The following SLAMF1 variants were observed in gnomAD, a reference collection of about 807,000 sequenced individuals.
SLAMF1 encodes signaling lymphocytic activation molecule.
SLAMF1 carries 18 observed loss-of-function variants against 35.1 expected under a neutral mutation model. The ratio of observed to expected loss-of-function variants is 0.51; its 90% CI spans 0.35 to 0.76. SLAMF1 has a LOEUF of 0.76. Among genes scored for constraint, SLAMF1 ranks in the 30% least tolerant of loss-of-function variants. The pLI is 0.01. For missense variants in SLAMF1, 392 were observed against 413.0 expected (o/e 0.95, Z 0.44); for synonymous variants, 168 against 157.2 (o/e 1.07, Z -0.51).
chr1:160,619,639 C>T (rs889550411), intron 5 of SLAMF1, 137 bp downstream of exon 5: 6 of 696,222 alleles, frequency 8.6e-6, no homozygotes, highest in Non-Finnish European at 1.6e-5. Flanking sequence ...TTTAGGAGAA[C>T]TCTTGTTCTT....
chr1:160,613,297 T>C (rs1176752740), intron 5 of SLAMF1, among the ~76,000 whole-genome samples: 1 of 152,262 alleles, frequency 6.6e-6, no homozygotes, highest in Non-Finnish European at 1.5e-5. Flanking sequence ...ATGCTATATT[T>C]AAAACATTCT....
chr1:160,617,860 G>A (rs967421198), intron 5 of SLAMF1, among the ~76,000 whole-genome samples: 2 of 152,122 alleles, frequency 1.3e-5, no homozygotes, highest in African/African-American at 4.8e-5. Flanking sequence ...ATCACTTGAG[G>A]TTAGTAGTTT....
intron 6 of SLAMF1, among the ~76,000 whole-genome samples, chr1:160,611,151 G>C (rs538643423): frequency 5.6e-4 from 85 of 152,342 alleles, no homozygotes; most frequent in Non-Finnish European, 9.8e-4. Context: ...GAAGCCAAGA[G>C]AGTTGTAAAT....
chr1:160,629,516 A>G (rs926269796), intron 3 of SLAMF1, among the ~76,000 whole-genome samples: 1 of 152,156 alleles, frequency 6.6e-6, no homozygotes, highest in South Asian at 2.1e-4. Flanking sequence ...CAAGAGATAC[A>G]TTCTTGTTCG....
rs149042392 is a variant in SLAMF1 at position 160,618,403 on chromosome 1, AGT to A, written c.864+1371_864+1372del. On this transcript the variant is annotated intron_variant, in intron 5 of 6. Transcript: ENST00000302035. The stretch of plus-strand genomic sequence containing the variant: ...GCATGAGTGTGTGTATGTGAGAGTG[AGT>A]GTGTGTGTGTGTGTGTGTAAAATGG... 1.7e-3 allele frequency among the ~76,000 whole-genome samples: 259 copies of A among 149,538 alleles called. 1 individual carries two copies. The highest frequency in any genetic ancestry group is 6.9e-3 in the Middle Eastern group (2 of 290).
Position 160,612,522 on chromosome 1 carries a change from A to G in SLAMF1, c.923T>C (p.Val308Ala). 5.6e-6 allele frequency: 9 copies of G among 1,612,464 alleles called. No individual in the cohort carries two copies. Among genetic ancestry groups the G allele is most frequent in the Non-Finnish European group, 7.6e-6 (9 of 1,178,954 alleles). ...CTCTGGGACAGGCTCTGTGGCAGCA[A>G]CATATATGGTGGTGCAAGGGTCCTG... is the stretch of plus-strand genomic sequence containing the variant. ...PAQDPCTTIY[V>A]AATEPVPESV... The change falls in exon 6 of 7, where the codon GTT (valine) becomes GCT (alanine). Residue 308 changes from valine to alanine, a missense_variant. Transcript: ENST00000302035.
intron 2 of SLAMF1, among the ~76,000 whole-genome samples, chr1:160,635,738 A>T (rs1571003388): frequency 6.9e-6 from 1 of 144,278 alleles, no homozygotes; most frequent in Non-Finnish European, 1.5e-5. Context: ...TGCTGAGCTA[A>T]TTTTTTTTTT....
intron 4 of SLAMF1, among the ~76,000 whole-genome samples, chr1:160,620,078 C>A (rs1659527616): frequency 1.3e-5 from 2 of 152,202 alleles, no homozygotes; most frequent in South Asian, 4.1e-4. Flanking sequence ...CCTCACGGGG[C>A]TGTTGTGATA....
At chr1:160,629,620 G>A (rs3753381) in intron 3 of SLAMF1, among the ~76,000 whole-genome samples, 46,646 of 151,928 alleles carry the variant, frequency 0.31, 7,471 homozygotes, top group Middle Eastern at 0.36. Context: ...ACATTTTTAC[G>A]GAGTTCACAG....
At chr1:160,626,452 G>A (rs1157532751) in intron 3 of SLAMF1, among the ~76,000 whole-genome samples, 1 of 152,216 alleles carries the variant, frequency 6.6e-6, no homozygotes, top group African/African-American at 2.4e-5. Flanking sequence ...CTAGATCTGA[G>A]AGACAAGTTG....
At chr1:160,621,558 C>CAAA (rs33981363) in intron 4 of SLAMF1, among the ~76,000 whole-genome samples, 9 of 73,284 alleles carry the variant, frequency 1.2e-4, no homozygotes, top group Non-Finnish European at 1.8e-4. Context: ...GAATCTATCT[C>CAAA]AAAAAAAAAA....
Position 160,642,290 on chromosome 1 carries a change from A to C in SLAMF1, c.76+4580T>G, listed in dbSNP as rs1660791154. ...TAGTATGTACGTTCCCTAGCCTTAG[A>C]GGCTATAACCACTCTTTATTTGCCT... is the stretch of plus-strand genomic sequence containing the variant. On this transcript the variant is annotated intron_variant, in intron 1 of 6. Transcript: ENST00000302035. The surrounding 1 kb of genome is among the most constrained non-coding windows in gnomAD (Gnocchi z 4.2). Among the ~76,000 whole-genome samples, 1 of 152,206 alleles carries C rather than the reference A, an allele frequency of 6.6e-6. No homozygotes were observed. Among genetic ancestry groups the C allele is most frequent in the South Asian group, 2.1e-4 (1 of 4,832 alleles).
chr1:160,610,390 G>A lies in SLAMF1; in HGVS notation c.*358C>T, dbSNP rs1255758354. 4.3e-6 allele frequency: 2 copies of A among 465,380 alleles called. No homozygotes were observed. The highest frequency in any genetic ancestry group is 8.6e-6 in the Non-Finnish European group (2 of 233,136). 28.8% of individuals were successfully genotyped at this position (465,380 alleles called of 1,614,324 possible). On this transcript the variant is annotated 3_prime_UTR_variant, in exon 7 of 7. Coordinates refer to ENST00000302035, the MANE Select transcript of SLAMF1 (RefSeq NM_003037.5). ...CAGTGTGTGAGATAGGTACTCAGAT[G>A]TCCTGGCTTTCAGTCTGATTTTTAT... is the stretch of plus-strand genomic sequence containing the variant.
intron 5 of SLAMF1, among the ~76,000 whole-genome samples, chr1:160,618,005 G>A (rs778956891): frequency 2.0e-5 from 3 of 152,066 alleles, no homozygotes; most frequent in Admixed American, 6.6e-5. Context: ...CCCAGGAGGC[G>A]GAGGTTGTAG....
At chr1:160,636,974 C>T (rs1660483738) in intron 2 of SLAMF1, 3 of 565,088 alleles carry the variant, frequency 5.3e-6, no homozygotes, top group Middle Eastern at 4.7e-4. Flanking sequence ...GTAAGAGTAA[C>T]TAATGCTTAA....
chr1:160,635,589 T>TG (rs1487717412), intron 2 of SLAMF1, among the ~76,000 whole-genome samples: 2 of 150,394 alleles, frequency 1.3e-5, no homozygotes, highest in African/African-American at 2.4e-5. Context: ...TTTTTTTTTT[T>TG]GAGACAGAGT....
intron 1 of SLAMF1, among the ~76,000 whole-genome samples, chr1:160,643,266 T>C (rs1660853250): frequency 6.6e-6 from 1 of 152,198 alleles, no homozygotes; most frequent in Middle Eastern, 3.2e-3. Context: ...GTTACATGTC[T>C]TGGCTTTTAT....
In SLAMF1 at chr1:160,637,507, T is replaced by C; in HGVS notation, c.99A>G (p.Pro33=). 1 of 1,611,448 alleles carries C rather than the reference T, an allele frequency of 6.2e-7. No individual in the cohort carries two copies. The highest frequency in any genetic ancestry group is 1.1e-5 in the South Asian group (1 of 91,064). Residue 33 remains proline, a synonymous_variant, in exon 2 of 7, where the codon CCA becomes CCG. Transcript: ENST00000302035. ...TGCTTCCCAACTGCCGGAGAATCTTTGGGCAGTTCATCATGCGCCCACCTG... is the reference window on the plus strand; with the variant it reads ...TGCTTCCCAACTGCCGGAGAATCTTCGGGCAGTTCATCATGCGCCCACCTG... ...YGTGGRMMNC[P]KILRQLGSKV... is the part of the protein sequence containing the mutation.
At chr1:160,623,456 A>T (rs953242732) in intron 4 of SLAMF1, 17 of 398,220 alleles carry the variant, frequency 4.3e-5, no homozygotes, top group African/African-American at 2.7e-4. Flanking sequence ...CTTGAGAATG[A>T]AATCAGTCAT....
Sources: gnomAD v4.1 joint callset for allele counts (sites outside exome capture counted in the v4.1 genomes callset) on GRCh38, gnomAD v4.1.1 for gene constraint, Gnocchi (gnomAD v3.1) non-coding constraint, MANE v1.5 for transcripts, NCBI Gene and HGNC (gene_info 2026-07-23, HGNC 2026-07-21) for gene names.